Variants in NTAQ1 observed in about 807,000 individuals in gnomAD.
NTAQ1 encodes protein N-terminal glutamine amidohydrolase.
In NTAQ1, 21 loss-of-function variants were observed where a neutral mutation model predicts 28.2. The observed-to-expected ratio is 0.74, with a 90% CI of 0.53 to 1.07. The LOEUF (loss-of-function observed/expected upper bound fraction) is 1.07, where lower values mean the gene tolerates loss of function less well. Among genes scored for constraint, NTAQ1 ranks in the 50% least tolerant of loss-of-function variants. The pLI is 0.00. For synonymous variants in NTAQ1, 105 were observed against 90.0 expected (o/e 1.17, Z -0.94); for missense variants, 264 against 256.6 (o/e 1.03, Z -0.20).
At position 123,427,968 on chromosome 8, in the gene NTAQ1, A is replaced by T. The variant is rs761964019; in HGVS notation, c.128A>T (p.Asp43Val). ...CTCTGTGAATACATCAAAAACCATG[A>T]CCAGTATCCTTTAGAAGAATGTTAT... ...WKLCEYIKNHDQYPLEECYAV... is the reference protein window; with the variant it reads ...WKLCEYIKNHVQYPLEECYAV... Residue 43 changes from aspartate to valine, a missense_variant, in exon 2 of 6, where the codon GAC (aspartate) becomes GTC (valine). By Grantham distance (152) the Asp-to-Val change is radical. Transcript: ENST00000287387. The T allele has an allele frequency of 6.2e-7, 1 of 1,611,512 alleles. No individual in the cohort carries two copies. The highest frequency in any genetic ancestry group is 1.1e-5 in the South Asian group (1 of 90,180).
intron 5 of NTAQ1, among the ~76,000 whole-genome samples, chr8:123,439,191 T>G (rs1004671128): frequency 3.3e-5 from 5 of 152,086 alleles, no homozygotes; most frequent in African/African-American, 1.2e-4. Context: ...TTTCTTTCTT[T>G]CTTTTTTTTT....
intron 5 of NTAQ1, 60 bp from the exon 6 acceptor site, chr8:123,441,246 A>G: frequency 7.5e-7 from 1 of 1,334,352 alleles, no homozygotes; most frequent in Non-Finnish European, 1.1e-6. Flanking sequence ...GCATTGTTTT[A>G]TTGCTGTTAA....
At chr8:123,449,142 C>T (rs565789603), downstream of NTAQ1, among the ~76,000 whole-genome samples, 2 of 152,294 alleles carry the variant, frequency 1.3e-5, no homozygotes, top group Admixed American at 6.5e-5. Context: ...TGCTGATTTT[C>T]CGTAGAACAG....
At chr8:123,468,746 G>A (rs1816010218) in exon 7 of NTAQ1, among the ~76,000 whole-genome samples, 1 of 152,192 alleles carries the variant, frequency 6.6e-6, no homozygotes. Context: ...TGGTCATATA[G>A]TTGCTGGTAA....
intron 1 of NTAQ1, among the ~76,000 whole-genome samples, chr8:123,426,824 G>A (rs1814087337): frequency 6.6e-6 from 1 of 152,082 alleles, no homozygotes. Flanking sequence ...GCTGGGTGTG[G>A]TGCTGCACGC....
chr8:123,451,043 C>T (rs1251994085), downstream of NTAQ1, among the ~76,000 whole-genome samples: 2 of 152,232 alleles, frequency 1.3e-5, no homozygotes, highest in Non-Finnish European at 2.9e-5. Context: ...TCTGCTACTG[C>T]TGGCCCATTC....
downstream of NTAQ1, among the ~76,000 whole-genome samples, chr8:123,474,519 C>T (rs1816071371): frequency 6.6e-6 from 1 of 152,180 alleles, no homozygotes; most frequent in South Asian, 2.1e-4. Context: ...TAACATTGAT[C>T]TCTGGGTTAA....
downstream of NTAQ1, chr8:123,448,367 C>T (rs1479978529): frequency 6.6e-6 from 1 of 152,242 alleles, no homozygotes; most frequent in Non-Finnish European, 1.5e-5. Context: ...AATCCCAGCA[C>T]TTTGGAAGGC....
intron 6 of NTAQ1, among the ~76,000 whole-genome samples, chr8:123,461,514 A>C (rs976047487): frequency 1.3e-5 from 2 of 152,102 alleles, no homozygotes; most frequent in African/African-American, 4.8e-5. Flanking sequence ...GTATGTAACA[A>C]ATCTAGGACT....
At chr8:123,468,406 A>C (rs535235136) in exon 7 of NTAQ1, among the ~76,000 whole-genome samples, 7 of 152,042 alleles carry the variant, frequency 4.6e-5, no homozygotes, top group Non-Finnish European at 1.0e-4. Context: ...CTGCCATTCT[A>C]CTTTCTGTTT....
At chr8:123,473,484 C>T (rs1816061825), downstream of NTAQ1, among the ~76,000 whole-genome samples, 2 of 151,922 alleles carry the variant, frequency 1.3e-5, no homozygotes, top group African/African-American at 4.8e-5. Flanking sequence ...TTAGTAGAGA[C>T]GGTTTCACCA....
At chr8:123,467,902 A>C (rs958849250) in exon 7 of NTAQ1, among the ~76,000 whole-genome samples, 2 of 152,172 alleles carry the variant, frequency 1.3e-5, no homozygotes, top group Non-Finnish European at 2.9e-5. Flanking sequence ...GGCGCCAGCC[A>C]CCACTCCCCG....
intron 3 of NTAQ1, among the ~76,000 whole-genome samples, chr8:123,431,241 G>A (rs111659319): frequency 0.027 from 4,127 of 151,830 alleles, 208 homozygotes; most frequent in African/African-American, 0.095. Flanking sequence ...GGAGGCTGAG[G>A]CAGGAGAATT....
downstream of NTAQ1, among the ~76,000 whole-genome samples, chr8:123,450,271 G>A (rs879942560): frequency 6.6e-6 from 1 of 151,808 alleles, no homozygotes; most frequent in Non-Finnish European, 1.5e-5. Context: ...TTGCTGATCA[G>A]TTGAGTAAGT....
intron 1 of NTAQ1, 86 bp from the exon 2 acceptor site, chr8:123,427,838 T>C (rs1036818153): frequency 6.1e-6 from 7 of 1,154,162 alleles, no homozygotes; most frequent in Non-Finnish European, 8.7e-6. Context: ...TTTCCAACTT[T>C]TTGATGTCAT....
downstream of NTAQ1, among the ~76,000 whole-genome samples, chr8:123,449,929 A>ATGTG (rs368162793): frequency 0.017 from 1,130 of 66,408 alleles, 82 homozygotes; most frequent in Admixed American, 0.027. Flanking sequence ...GTATATATAT[A>ATGTG]TGTGTGTGTG....
At chr8:123,466,320 C>A (rs1048383672) in intron 6 of NTAQ1, among the ~76,000 whole-genome samples, 2 of 152,170 alleles carry the variant, frequency 1.3e-5, no homozygotes, top group Non-Finnish European at 2.9e-5. Context: ...ACCTCTTTGC[C>A]GTCTGTCCAT....
intron 2 of NTAQ1, 82 bp downstream of exon 2, chr8:123,428,105 T>A: frequency 1.8e-5 from 16 of 887,010 alleles, no homozygotes; most frequent in Non-Finnish European, 2.6e-5. Flanking sequence ...AAAAGCTAAA[T>A]ATAGCATGGG....
chr8:123,445,723 A>C (rs1374011916), downstream of NTAQ1, among the ~76,000 whole-genome samples: 1 of 152,092 alleles, frequency 6.6e-6, no homozygotes. Flanking sequence ...CTCCTGCCTC[A>C]GCCTCCGCAT....
Sources: allele counts gnomAD v4.1 joint callset (sites outside exome capture counted in the v4.1 genomes callset), GRCh38; gene constraint gnomAD v4.1.1; transcripts MANE v1.5; gene names NCBI Gene and HGNC (gene_info 2026-07-23, HGNC 2026-07-21).